Variants in STXBP3 observed in about 807,000 individuals in gnomAD.
STXBP3 encodes syntaxin binding protein 3, also known as syntaxin-binding protein 3.
Under a neutral mutation model 85.7 loss-of-function variants are expected in STXBP3, and 41 were observed. The observed-to-expected ratio is 0.48, with a 90% CI of 0.37 to 0.62. The LOEUF (loss-of-function observed/expected upper bound fraction) is 0.62, where lower values mean the gene tolerates loss of function less well. Ranked by LOEUF, STXBP3 falls within the 20% of genes least tolerant of loss-of-function variation. The pLI, the probability that STXBP3 is intolerant of heterozygous loss-of-function variation, is 0.00. For missense variants in STXBP3, 563 were observed against 703.1 expected (o/e 0.80, Z 2.25); for synonymous variants, 229 against 231.7 (o/e 0.99, Z 0.10).
chr1:108,784,759 A>G (rs566891374), intron 11 of STXBP3, among the ~76,000 whole-genome samples: 1 of 152,372 alleles, frequency 6.6e-6, no homozygotes, highest in Non-Finnish European at 1.5e-5. Flanking sequence ...AAAACAAGTT[A>G]GTTACTTCCT....
intron 1 of STXBP3, among the ~76,000 whole-genome samples, chr1:108,748,913 G>A (rs774375069): frequency 6.6e-6 from 1 of 152,314 alleles, no homozygotes; most frequent in East Asian, 1.9e-4. Context: ...CCAGTCAGTG[G>A]AGGATGTTAA....
At chr1:108,769,760 A>C (rs1662342540) in intron 6 of STXBP3, among the ~76,000 whole-genome samples, 1 of 152,190 alleles carries the variant, frequency 6.6e-6, no homozygotes, top group African/African-American at 2.4e-5. Context: ...GGTATTAGAT[A>C]GCTTAGATTA....
chr1:108,765,683 G>A (rs929813703), intron 6 of STXBP3, among the ~76,000 whole-genome samples: 3 of 137,108 alleles, frequency 2.2e-5, no homozygotes, highest in Non-Finnish European at 4.6e-5. Context: ...CATTTTTCTT[G>A]CCTCAGCCTC....
intron 11 of STXBP3, among the ~76,000 whole-genome samples, chr1:108,786,659 C>T (rs1662836755): frequency 6.6e-6 from 1 of 152,200 alleles, no homozygotes; most frequent in African/African-American, 2.4e-5. Flanking sequence ...ATCCTTGTAA[C>T]AAGACCACAC....
At position 108,798,150 on chromosome 1, in the gene STXBP3, A is replaced by G. The variant is rs759863791; in HGVS notation, c.1362A>G (p.Gln454=). ...TTTTCCTCTAATTGTATTAGTCTCA[A>G]CAAGGCAAACCGTTAAGAAAGGATC... ...YLGVPIVPQS[Q]QGKPLRKDRS... is the part of the protein sequence containing the mutation. The change falls in exon 16 of 19, where the codon CAA becomes CAG. Residue 454 remains glutamine (Q), a synonymous_variant. Coordinates refer to ENST00000370008, the MANE Select transcript of STXBP3 (RefSeq NM_007269.4). The G allele has an allele frequency of 2.5e-6, 4 of 1,608,568 alleles. No homozygotes were observed. The highest frequency in any genetic ancestry group is 1.7e-5 in the Admixed American group (1 of 58,526).
rs1663026657 is a variant in STXBP3 at position 108,793,664 on chromosome 1, A to G, written c.1029+17A>G. On this transcript the variant is annotated intron_variant, in intron 12 of 18. Coordinates refer to ENST00000370008, the MANE Select transcript of STXBP3 (RefSeq NM_007269.4). ...ATTACTAAGGTAAGCAGTATTGTAT[A>G]TGAGATACCTGATTAGTTTTAGTTT... 6.3e-7 allele frequency: 1 copy of G among 1,590,720 alleles called. No individual in the cohort carries two copies. Among genetic ancestry groups the G allele is most frequent in the Non-Finnish European group, 8.6e-7 (1 of 1,163,706 alleles).
intron 5 of STXBP3, among the ~76,000 whole-genome samples, chr1:108,758,852 TTGCTGGGA>T (rs927467808): frequency 6.6e-6 from 1 of 152,242 alleles, no homozygotes; most frequent in African/African-American, 2.4e-5. Flanking sequence ...GACAGTCATT[TTGCTGGGA>T]TGCTGGGATG....
chr1:108,752,227 TC>T (rs1235356897), intron 1 of STXBP3, 29 bp from the exon 2 acceptor site: 1 of 1,591,542 alleles, frequency 6.3e-7, no homozygotes, highest in South Asian at 1.1e-5. Flanking sequence ...TTTATTTAAT[TC>T]CTAAGTAATT....
chr1:108,788,999 G>T (rs1179987624), intron 11 of STXBP3, among the ~76,000 whole-genome samples: 1 of 152,100 alleles, frequency 6.6e-6, no homozygotes, highest in Non-Finnish European at 1.5e-5. Flanking sequence ...GGGAGACGGA[G>T]GTTGCAGTGA....
chr1:108,763,794 G>T (rs1313408296), intron 6 of STXBP3, among the ~76,000 whole-genome samples: 1 of 151,672 alleles, frequency 6.6e-6, no homozygotes, highest in Non-Finnish European at 1.5e-5. Flanking sequence ...GTTGTTCAGG[G>T]TGGTCTTGAA....
At position 108,793,565 on chromosome 1, in the gene STXBP3, T is replaced by A; in HGVS notation, c.964-17T>A. The A allele has an allele frequency of 1.2e-6, 2 of 1,605,798 alleles. No individual in the cohort carries two copies. The highest frequency in any genetic ancestry group is 1.7e-6 in the Non-Finnish European group (2 of 1,175,260). ...TGAATCATAGGCTTGCCTAAAAAAA[T>A]GTTTGATTTTTCCTAGACATCACTT... is the stretch of plus-strand genomic sequence containing the variant. On this transcript the variant is annotated splice_polypyrimidine_tract_variant and intron_variant, in intron 11 of 18. Transcript: ENST00000370008.
intron 4 of STXBP3, among the ~76,000 whole-genome samples, chr1:108,758,171 C>G (rs186744435): frequency 9.9e-4 from 151 of 151,800 alleles, no homozygotes; most frequent in African/African-American, 3.4e-3. Flanking sequence ...GTTCCTTAAT[C>G]TGTTATATTC....
At chr1:108,757,337 T>C (rs1662043576) in intron 4 of STXBP3, among the ~76,000 whole-genome samples, 1 of 152,078 alleles carries the variant, frequency 6.6e-6, no homozygotes. Flanking sequence ...CTCTCACTTA[T>C]TCCCATGTAG....
At chr1:108,784,467 G>A (rs1662784837) in intron 11 of STXBP3, among the ~76,000 whole-genome samples, 1 of 152,160 alleles carries the variant, frequency 6.6e-6, no homozygotes, top group African/African-American at 2.4e-5. Context: ...ATAGCATGGG[G>A]CAAACCGCCC....
intron 6 of STXBP3, chr1:108,766,875 G>C: frequency 4.1e-6 from 2 of 489,136 alleles, no homozygotes; most frequent in Non-Finnish European, 8.2e-6. Flanking sequence ...TCTATACTTT[G>C]TAAGAGAGCA....
At position 108,775,206 on chromosome 1, in the gene STXBP3, C is replaced by T. The variant is rs1019642952; in HGVS notation, c.594-1127C>T. On this transcript the variant is annotated intron_variant, in intron 7 of 18. Transcript: ENST00000370008. ...CTAAAGATTCTGTAAAACTTTGAAGCCCTCACAATGAGACCTCCCATTTTT... is the reference window on the plus strand; with the variant it reads ...CTAAAGATTCTGTAAAACTTTGAAGTCCTCACAATGAGACCTCCCATTTTT... Among the ~76,000 whole-genome samples, 13 of 152,034 alleles carry T rather than the reference C, an allele frequency of 8.6e-5. No homozygotes were observed. In the South Asian group the frequency reaches 2.5e-3, roughly 29 times the overall value.
Position 108,762,002 on chromosome 1 carries a change from T to A in STXBP3, c.438+1917T>A, listed in dbSNP as rs187120506. ...AAAAAAAGAGGTTCTACTTAATAAA[T>A]CTAACTGTTTTGGAGAAATTACATT... is the stretch of plus-strand genomic sequence containing the variant. On this transcript the variant is annotated intron_variant, in intron 6 of 18. Coordinates refer to ENST00000370008, the MANE Select transcript of STXBP3 (RefSeq NM_007269.4). Among the ~76,000 whole-genome samples, 7 of 152,114 alleles carry A rather than the reference T, an allele frequency of 4.6e-5. No individual in the cohort carries two copies. In the East Asian group the frequency reaches 1.2e-3, roughly 25 times the overall value.
chr1:108,797,001 C>T (rs967548587), intron 15 of STXBP3, among the ~76,000 whole-genome samples: 5 of 151,842 alleles, frequency 3.3e-5, no homozygotes, highest in African/African-American at 7.3e-5. Flanking sequence ...TTTAGTTAAA[C>T]GTGTAACCTT....
intron 8 of STXBP3, among the ~76,000 whole-genome samples, 174 bp from the exon 9 acceptor site, chr1:108,779,112 A>G (rs553974896): frequency 3.3e-5 from 5 of 152,140 alleles, no homozygotes; most frequent in East Asian, 3.9e-4. Flanking sequence ...TCTTTGTTTT[A>G]TTATAACTTC....
Sources: gnomAD v4.1 joint callset for allele counts (sites outside exome capture counted in the v4.1 genomes callset) on GRCh38, gnomAD v4.1.1 for gene constraint, MANE v1.5 for transcripts, NCBI Gene and HGNC (gene_info 2026-07-23, HGNC 2026-07-21) for gene names.